SGCD: variants seen among roughly 807,000 people sequenced by gnomAD.
SGCD encodes the protein sarcoglycan delta.
SGCD carries 18 observed loss-of-function variants against 36.6 expected under a neutral mutation model. The observed-to-expected ratio is 0.49, with a 90% CI of 0.34 to 0.73. The LOEUF (loss-of-function observed/expected upper bound fraction) is 0.73, where lower values mean the gene tolerates loss of function less well. Ranked by LOEUF, SGCD falls within the 30% of genes least tolerant of loss-of-function variation. SGCD has a pLI of 0.01. For synonymous variants in SGCD, 133 were observed against 130.6 expected (o/e 1.02, Z -0.12); for missense variants, 387 against 346.7 (o/e 1.12, Z -0.92).
rs1039501709 is a variant in SGCD, at chr5:156,227,728, C to T, written c.-43-101806C>T. ...GTTTCTCTAGTTCCTTGAGGTGCAACGTTAGATTGTCTGTTTGTGCCCTTT... is the reference window on the plus strand; with the variant it reads ...GTTTCTCTAGTTCCTTGAGGTGCAATGTTAGATTGTCTGTTTGTGCCCTTT... On this transcript the variant is annotated intron_variant, in intron 3 of 9. Coordinates refer to the SGCD transcript ENST00000517913. Among the ~76,000 whole-genome samples the T allele has an allele frequency of 4.6e-5, 7 of 151,970 alleles. No individual in the cohort carries two copies. In the East Asian group the frequency reaches 7.7e-4, roughly 17 times the overall value.
chr5:156,738,352 T>A (rs1478127762), intron 7 of SGCD, among the ~76,000 whole-genome samples: 1 of 152,152 alleles, frequency 6.6e-6, no homozygotes, highest in Non-Finnish European at 1.5e-5. Context: ...TCATATGCAG[T>A]CACCTTGGAA....
intron 1 of SGCD, among the ~76,000 whole-genome samples, chr5:155,935,016 A>T (rs1372486497): frequency 6.6e-6 from 1 of 152,108 alleles, no homozygotes; most frequent in Admixed American, 6.6e-5. Context: ...ATGCTTGGGG[A>T]TGGTGGCAGC....
chr5:156,495,271 A>G (rs751202093), intron 3 of SGCD, among the ~76,000 whole-genome samples: 1 of 152,146 alleles, frequency 6.6e-6, no homozygotes, highest in African/African-American at 2.4e-5. Flanking sequence ...GACTGGGAGT[A>G]TGTCTGATGC....
Position 156,630,118 on chromosome 5 carries a change from C to T in SGCD, c.503-17346C>T, listed in dbSNP as rs1762578468. 2.0e-5 allele frequency among the ~76,000 whole-genome samples: 3 copies of T among 152,156 alleles called. 1 individual carries two copies. In the East Asian group the frequency reaches 5.8e-4, roughly 29 times the overall value. ...CCTCAGGTGATCCACCCGCCTCAGC[C>T]TCCCAAAATGCTGGGATTACAGGCC... On this transcript the variant is annotated intron_variant, in intron 6 of 8. Transcript: ENST00000337851.
chr5:156,365,277 G>A (rs951627318), intron 3 of SGCD, among the ~76,000 whole-genome samples: 3 of 152,112 alleles, frequency 2.0e-5, no homozygotes, highest in African/African-American at 7.2e-5. Context: ...AACAGAATGA[G>A]GAATTATCTA....
intron 3 of SGCD, among the ~76,000 whole-genome samples, chr5:156,221,265 G>A (rs1355666204): frequency 6.6e-6 from 1 of 152,084 alleles, no homozygotes; most frequent in East Asian, 1.9e-4. Context: ...TGTAGAAGGT[G>A]AGACGGTACA....
chr5:156,366,400 TAGAA>T (rs1344964339), intron 3 of SGCD, among the ~76,000 whole-genome samples: 2 of 151,976 alleles, frequency 1.3e-5, no homozygotes, highest in Non-Finnish European at 2.9e-5. Context: ...CAGGCATAGA[TAGAA>T]AGATTTTAAA....
At chr5:156,563,644 A>G (rs893637879) in intron 4 of SGCD, among the ~76,000 whole-genome samples, 4 of 152,244 alleles carry the variant, frequency 2.6e-5, no homozygotes, top group African/African-American at 9.6e-5. Flanking sequence ...TGGAATCATT[A>G]TCAAAGAATG....
intron 4 of SGCD, among the ~76,000 whole-genome samples, chr5:156,554,888 C>T (rs1182581383): frequency 3.3e-5 from 5 of 152,060 alleles, no homozygotes. Context: ...TTCTCCATGT[C>T]CTCACCAACA....
the SGCD span, among the ~76,000 whole-genome samples, chr5:155,733,648 C>A: frequency 9.1e-3 from 1,369 of 149,762 alleles, 26 homozygotes; most frequent in African/African-American, 0.032. Flanking sequence ...TTTTTTTTGC[C>A]ATTTCAGTGG....
chr5:156,639,800 A>C (rs1762961611), intron 6 of SGCD, among the ~76,000 whole-genome samples: 1 of 150,292 alleles, frequency 6.7e-6, no homozygotes, highest in Non-Finnish European at 1.5e-5. Context: ...CTTCTGTGTT[A>C]CCCCATTCCT....
intron 3 of SGCD, among the ~76,000 whole-genome samples, chr5:156,421,530 T>C (rs1773308979): frequency 6.6e-6 from 1 of 152,078 alleles, no homozygotes; most frequent in African/African-American, 2.4e-5. Context: ...CATGATCTTA[T>C]GGTCTATAAT....
At chr5:155,751,124 T>C in the SGCD span, among the ~76,000 whole-genome samples, 5 of 152,306 alleles carry the variant, frequency 3.3e-5, no homozygotes, top group Non-Finnish European at 7.3e-5. Flanking sequence ...CTACCAAATA[T>C]TTTGGTTGAA....
chr5:156,643,037 TTTG>T (rs1763095295), intron 6 of SGCD, among the ~76,000 whole-genome samples: 1 of 22,838 alleles, frequency 4.4e-5, no homozygotes, highest in Admixed American at 5.5e-4. Flanking sequence ...TTTTTTTTTG[TTTG>T]TTTTTTTTTG....
At chr5:156,299,601 C>T (rs910849790) in intron 3 of SGCD, among the ~76,000 whole-genome samples, 2 of 151,942 alleles carry the variant, frequency 1.3e-5, no homozygotes, top group African/African-American at 4.8e-5. Context: ...GTATATCTTC[C>T]TCAATTTATT....
At chr5:155,833,672 G>A in the SGCD span, among the ~76,000 whole-genome samples, 1 of 152,228 alleles carries the variant, frequency 6.6e-6, no homozygotes, top group East Asian at 1.9e-4. Flanking sequence ...CAGTGTTTCA[G>A]CACTTCTCAG....
rs143475187 is a variant in SGCD, at chr5:156,043,301, G to A, written c.-281-74577G>A. Among the ~76,000 whole-genome samples, 935 of 152,196 alleles carry A rather than the reference G, an allele frequency of 6.1e-3. 6 individuals carry two copies. Among genetic ancestry groups the A allele is most frequent in the Admixed American group, 9.0e-3 (138 of 15,292 alleles). On this transcript the variant is annotated intron_variant, in intron 1 of 9. Transcript: ENST00000517913. ...TGCCTTAAAAAAATGAAATTGGATG[G>A]CACCTGCCTCTAACTAAGAGACACA...
chr5:156,233,741 C>T (rs1765080358), intron 3 of SGCD, among the ~76,000 whole-genome samples: 2 of 152,110 alleles, frequency 1.3e-5, no homozygotes, highest in Non-Finnish European at 2.9e-5. Flanking sequence ...CAGCTAGAGC[C>T]AGGCAGGGTG....
chr5:155,797,067 C>A, the SGCD span, among the ~76,000 whole-genome samples: 1 of 152,040 alleles, frequency 6.6e-6, no homozygotes, highest in Admixed American at 6.6e-5. Flanking sequence ...GTTAACACTA[C>A]ACATTCTAAA....
Sources: allele counts gnomAD v4.1 joint callset (sites outside exome capture counted in the v4.1 genomes callset), GRCh38; gene constraint gnomAD v4.1.1; transcripts MANE v1.5; gene names NCBI Gene and HGNC (gene_info 2026-07-23, HGNC 2026-07-21).